The following ROBO2 variants were observed in gnomAD, a reference collection of about 807,000 sequenced individuals.
The protein encoded by ROBO2 is roundabout guidance receptor 2.
Under a neutral mutation model 160.8 loss-of-function variants are expected in ROBO2, and 53 were observed. The observed-to-expected ratio is 0.33, with a 90% CI of 0.26 to 0.41. The LOEUF (loss-of-function observed/expected upper bound fraction) is 0.41. Among genes scored for constraint, ROBO2 ranks in the 10% least tolerant of loss-of-function variants. ROBO2 has a pLI of 1.00. For missense variants in ROBO2, 1,577 were observed against 1,722.4 expected (o/e 0.92, Z 1.49); for synonymous variants, 664 against 611.7 (o/e 1.09, Z -1.26).
intron 2 of ROBO2, among the ~76,000 whole-genome samples, chr3:76,082,585 G>A (rs1177033569): frequency 6.6e-6 from 1 of 151,736 alleles, no homozygotes; most frequent in East Asian, 1.9e-4. Flanking sequence ...AAGAGAGGAG[G>A]GAGTGACAAG....
At chr3:75,940,896 T>C (rs1386022873) in intron 2 of ROBO2, among the ~76,000 whole-genome samples, 1 of 152,020 alleles carries the variant, frequency 6.6e-6, no homozygotes, top group Non-Finnish European at 1.5e-5. Context: ...ATTTACAGGA[T>C]TCTGGGGAGT....
At position 77,457,401 on chromosome 3, in the gene ROBO2, C is replaced by T. The variant is rs116554142; in HGVS notation, c.389-20013C>T. Among the ~76,000 whole-genome samples, 940 of 152,084 alleles carry T rather than the reference C, an allele frequency of 6.2e-3. 11 individuals are homozygous for T. The highest frequency in any genetic ancestry group is 0.021 in the African/African-American group (877 of 41,490). ...GTGTAATAAATGACAATAACATTTG[C>T]TTAGTGTAAGTTTAAAATATAAAGA... On this transcript the variant is annotated intron_variant, in intron 2 of 25. Transcript: ENST00000461745.
chr3:77,277,621 A>G (rs1419346861), intron 2 of ROBO2, among the ~76,000 whole-genome samples: 1 of 152,148 alleles, frequency 6.6e-6, no homozygotes, highest in Non-Finnish European at 1.5e-5. Flanking sequence ...TGTCCCTGCA[A>G]AGGACATGAT....
intron 2 of ROBO2, among the ~76,000 whole-genome samples, chr3:76,611,484 T>C (rs2088122120): frequency 6.6e-6 from 1 of 152,212 alleles, no homozygotes; most frequent in Non-Finnish European, 1.5e-5. Flanking sequence ...GATTTCTTTA[T>C]GGTTCAGTCT....
chr3:77,608,514 T>C (rs1244848431), intron 21 of ROBO2, among the ~76,000 whole-genome samples: 1 of 152,160 alleles, frequency 6.6e-6, no homozygotes, highest in Non-Finnish European at 1.5e-5. Context: ...GATACAAAAT[T>C]TTCTTCGAGG....
chr3:76,903,943 A>AGAAAAC (rs1452411396), intron 2 of ROBO2, among the ~76,000 whole-genome samples: 1 of 152,010 alleles, frequency 6.6e-6, no homozygotes, highest in Non-Finnish European at 1.5e-5. Flanking sequence ...GAAAAGAAAA[A>AGAAAAC]GAAAAAGAAA....
chr3:76,669,582 A>G (rs1305563000), intron 2 of ROBO2, among the ~76,000 whole-genome samples: 1 of 152,084 alleles, frequency 6.6e-6, no homozygotes, highest in East Asian at 1.9e-4. Context: ...CTTCCTTTAT[A>G]AGAGAAGCAA....
At chr3:77,552,249 A>C (rs1322626660) in intron 8 of ROBO2, among the ~76,000 whole-genome samples, 3 of 152,068 alleles carry the variant, frequency 2.0e-5, no homozygotes, top group Admixed American at 2.0e-4. Flanking sequence ...CCTATGTTTT[A>C]TTCTATATTC....
intron 2 of ROBO2, among the ~76,000 whole-genome samples, chr3:76,339,700 T>C (rs1317657647): frequency 6.6e-6 from 1 of 152,152 alleles, no homozygotes; most frequent in African/African-American, 2.4e-5. Context: ...ACCAAGAGTA[T>C]AGTAAACGCA....
intron 17 of ROBO2, among the ~76,000 whole-genome samples, chr3:77,589,781 A>G (rs2094137935): frequency 1.3e-5 from 2 of 152,152 alleles, no homozygotes; most frequent in Admixed American, 1.3e-4. Context: ...TTTATTTTAA[A>G]TATTTTCTCC....
chr3:76,278,253 C>G (rs2107659103), intron 2 of ROBO2, among the ~76,000 whole-genome samples: 1 of 151,946 alleles, frequency 6.6e-6, no homozygotes, highest in African/African-American at 2.4e-5. Flanking sequence ...AGATCAAGTT[C>G]CAAAAGTTTG....
intron 2 of ROBO2, among the ~76,000 whole-genome samples, chr3:75,952,856 T>C (rs1281765572): frequency 6.6e-6 from 1 of 152,002 alleles, no homozygotes. Flanking sequence ...TCCATGGTTT[T>C]GCTTTTTCCA....
chr3:76,839,820 T>G (rs926792130), intron 2 of ROBO2, among the ~76,000 whole-genome samples: 6 of 152,232 alleles, frequency 3.9e-5, no homozygotes, highest in Non-Finnish European at 8.8e-5. Flanking sequence ...CTGGAAGAGA[T>G]TTCATTATGG....
chr3:76,856,121 G>A (rs1286407232), intron 2 of ROBO2, among the ~76,000 whole-genome samples: 2 of 152,110 alleles, frequency 1.3e-5, no homozygotes, highest in African/African-American at 2.4e-5. Context: ...TCAGTATATC[G>A]TGGTTATATG....
rs549312567 is a variant in ROBO2 at position 76,971,782 on chromosome 3, G to C, written c.110-126232G>C. On this transcript the variant is annotated intron_variant, in intron 2 of 26. Coordinates refer to the ROBO2 transcript ENST00000487694. Reference sequence around the variant, plus strand: ...TATTGGCCATAACTAGGAGATGCTGGATTCAGTTAAGAACCTATTCACTTG... The same window carrying C: ...TATTGGCCATAACTAGGAGATGCTGCATTCAGTTAAGAACCTATTCACTTG... 1.2e-4 allele frequency among the ~76,000 whole-genome samples: 18 copies of C among 152,262 alleles called. No individual in the cohort carries two copies. In the South Asian group the frequency reaches 3.7e-3, roughly 32 times the overall value.
At chr3:77,432,133 C>T (rs1228897434) in intron 2 of ROBO2, among the ~76,000 whole-genome samples, 1 of 152,138 alleles carries the variant, frequency 6.6e-6, no homozygotes, top group East Asian at 1.9e-4. Context: ...TGTTCTGACA[C>T]TTTTGCCTTG....
rs755744360 is a variant in ROBO2, at chr3:76,027,220, G to A, written c.109+89618G>A. On this transcript the variant is annotated intron_variant, in intron 2 of 26. Coordinates refer to the ROBO2 transcript ENST00000487694. ...AGCTGTTTTCAATGATGGGAGCATC[G>A]ATTTATAGGTAAGTATAACTCAATT... Among the ~76,000 whole-genome samples the A allele has an allele frequency of 8.6e-5, 13 of 151,812 alleles. 1 individual carries two copies. Among genetic ancestry groups the A allele is most frequent in the East Asian group, 3.9e-4 (2 of 5,170 alleles).
At position 77,263,689 on chromosome 3, in the gene ROBO2, T is replaced by C. The variant is rs550176347; in HGVS notation, c.388+165349T>C. ...TTATGTGGATTCCATGTCTTTGCTG[T>C]TGTGAATTGAGTTGCAGTGAACATG... On this transcript the variant is annotated intron_variant, in intron 2 of 25. Transcript: ENST00000461745. 7.9e-5 allele frequency among the ~76,000 whole-genome samples: 12 copies of C among 152,336 alleles called. No individual in the cohort carries two copies. In the South Asian group the frequency reaches 2.5e-3, roughly 32 times the overall value.
At chr3:76,718,862 T>C (rs2093422970) in intron 2 of ROBO2, among the ~76,000 whole-genome samples, 1 of 152,232 alleles carries the variant, frequency 6.6e-6, no homozygotes, top group Admixed American at 6.5e-5. Context: ...TTACTTACTT[T>C]TATTGAAAAC....
Sources: allele counts gnomAD v4.1 joint callset (sites outside exome capture counted in the v4.1 genomes callset), GRCh38; gene constraint gnomAD v4.1.1; transcripts MANE v1.5; gene names NCBI Gene and HGNC (gene_info 2026-07-23, HGNC 2026-07-21).